SND1: variants seen among roughly 807,000 people sequenced by gnomAD.
SND1 encodes the protein staphylococcal nuclease domain-containing protein 1.
Under a neutral mutation model 121.7 loss-of-function variants are expected in SND1, and 38 were observed. The observed-to-expected ratio is 0.31, with a 90% confidence interval of 0.24 to 0.41. The LOEUF (loss-of-function observed/expected upper bound fraction) is 0.41, where lower values mean the gene tolerates loss of function less well. Ranked by LOEUF, SND1 falls within the 10% of genes least tolerant of loss-of-function variation. SND1 has a pLI of 1.00. For synonymous variants in SND1, 401 were observed against 447.4 expected, an observed-to-expected ratio of 0.90 and a Z score of 1.31; for missense variants, 868 against 1,184.6, an observed-to-expected ratio of 0.73 and a Z score of 3.92.
intron 15 of SND1, among the ~76,000 whole-genome samples, chr7:127,977,502 A>T (rs1485962564): frequency 1.3e-5 from 2 of 149,380 alleles, no homozygotes; most frequent in African/African-American, 2.5e-5. Flanking sequence ...GGAAGCAAAT[A>T]AAAAAAAAAG....
At chr7:127,998,186 T>C (rs557905616) in intron 16 of SND1, 10 of 327,714 alleles carry the variant, frequency 3.1e-5, no homozygotes, top group Non-Finnish European at 5.5e-5. Flanking sequence ...TTTGTTGTCC[T>C]TTATGGTTCT....
intron 12 of SND1, among the ~76,000 whole-genome samples, chr7:127,884,169 T>A (rs931588368): frequency 6.6e-6 from 1 of 151,950 alleles, no homozygotes; most frequent in Non-Finnish European, 1.5e-5. Flanking sequence ...TGTCTCCTAT[T>A]TTTTTTTGAG....
chr7:127,782,866 G>A (rs1584569168), intron 10 of SND1, among the ~76,000 whole-genome samples: 2 of 152,282 alleles, frequency 1.3e-5, no homozygotes, highest in South Asian at 2.1e-4. Flanking sequence ...ATGTGTATTC[G>A]TTATAGAAAT....
chr7:127,712,903 A>G (rs1476861800), intron 9 of SND1, among the ~76,000 whole-genome samples: 1 of 152,206 alleles, frequency 6.6e-6, no homozygotes, highest in Non-Finnish European at 1.5e-5. Context: ...GTTTATATTC[A>G]TGTAGTTGAG....
chr7:127,710,911 C>T (rs1445383418), intron 9 of SND1, among the ~76,000 whole-genome samples: 1 of 152,116 alleles, frequency 6.6e-6, no homozygotes, highest in Non-Finnish European at 1.5e-5. Context: ...TGATAATCAC[C>T]ACAGTGCTAT....
rs1792944085 is a variant in SND1 at position 128,046,275 on chromosome 7, T to G, written c.1780-28227T>G. 3.9e-5 allele frequency among the ~76,000 whole-genome samples: 6 copies of G among 152,232 alleles called. No homozygotes were observed. The South Asian group carries it at 1.2e-3, about 32-fold the overall frequency. On this transcript the variant is annotated intron_variant, in intron 16 of 23. Coordinates refer to ENST00000354725, the MANE Select transcript of SND1 (RefSeq NM_014390.4). Reference sequence around the variant, plus strand: ...ACTATGCCAGGCTAATTGTTTTTATTTTTTGTAGAGATGGGATCCTGCTAT... The same window carrying G: ...ACTATGCCAGGCTAATTGTTTTTATGTTTTGTAGAGATGGGATCCTGCTAT...
intron 16 of SND1, chr7:128,028,970 C>T (rs754708450): frequency 6.2e-7 from 1 of 1,608,926 alleles, no homozygotes; most frequent in South Asian, 1.1e-5. Context: ...TGACTGTACT[C>T]CGCTGCTGGT....
intron 16 of SND1, among the ~76,000 whole-genome samples, chr7:128,033,828 T>C (rs1584753279): frequency 6.6e-6 from 1 of 152,182 alleles, no homozygotes; most frequent in East Asian, 1.9e-4. Context: ...GTCAAGAAAC[T>C]TGGGTGTGGA....
chr7:127,661,301 A>T (rs536373884), intron 1 of SND1, among the ~76,000 whole-genome samples: 12 of 152,278 alleles, frequency 7.9e-5, no homozygotes, highest in Admixed American at 7.8e-4. Flanking sequence ...CCATATGCTC[A>T]TTTTAACACT....
chr7:127,759,990 G>A (rs1797273062), intron 10 of SND1, among the ~76,000 whole-genome samples: 1 of 152,084 alleles, frequency 6.6e-6, no homozygotes, highest in African/African-American at 2.4e-5. Context: ...CCCCAGGTGG[G>A]CAACCTGCTC....
rs188470224 is a variant in SND1 at position 127,971,557 on chromosome 7, G to A, written c.1670-19390G>A. On this transcript the variant is annotated intron_variant, in intron 15 of 23. Transcript: ENST00000354725. ...AGAGTACAAGGTAATCTTCTCTTCA[G>A]AAAATACATACAAAGATGTTCATAT... 6.2e-4 allele frequency among the ~76,000 whole-genome samples: 94 copies of A among 152,170 alleles called. 1 individual carries two copies. The highest frequency in any genetic ancestry group is 2.2e-3 in the African/African-American group (90 of 41,528).
chr7:127,961,381 T>G (rs1461677946), intron 15 of SND1, among the ~76,000 whole-genome samples: 4 of 152,226 alleles, frequency 2.6e-5, no homozygotes, highest in African/African-American at 9.6e-5. Flanking sequence ...TAGTAAGATC[T>G]AGATCCAGGC....
chr7:127,664,294 A>T (rs961914182), intron 1 of SND1, among the ~76,000 whole-genome samples: 23 of 152,162 alleles, frequency 1.5e-4, no homozygotes, highest in Non-Finnish European at 3.1e-4. Context: ...CCTCTGAACC[A>T]CACTTGAGTT....
At chr7:127,961,329 G>A (rs1801725952) in intron 15 of SND1, among the ~76,000 whole-genome samples, 2 of 152,098 alleles carry the variant, frequency 1.3e-5, no homozygotes, top group South Asian at 4.1e-4. Context: ...TACAAATGGT[G>A]TTTACTTACA....
intron 14 of SND1, among the ~76,000 whole-genome samples, chr7:127,925,981 G>C (rs1016935102): frequency 6.6e-6 from 1 of 151,612 alleles, no homozygotes; most frequent in African/African-American, 2.4e-5. Context: ...GTGTCTAAGA[G>C]ACTGAAGCAC....
intron 15 of SND1, among the ~76,000 whole-genome samples, chr7:127,946,728 G>T (rs1801338163): frequency 5.3e-5 from 8 of 152,174 alleles, no homozygotes; most frequent in Admixed American, 5.2e-4. Context: ...GCGAGTAAGT[G>T]TCCCAGGAGA....
intron 2 of SND1, among the ~76,000 whole-genome samples, chr7:127,690,044 C>G (rs1198202579): frequency 1.3e-5 from 2 of 151,348 alleles, no homozygotes; most frequent in Admixed American, 6.6e-5. Flanking sequence ...ATTCTTTGTT[C>G]ATCTCTGATA....
intron 15 of SND1, among the ~76,000 whole-genome samples, chr7:127,955,132 G>A (rs1584692816): frequency 1.3e-5 from 2 of 152,276 alleles, no homozygotes; most frequent in East Asian, 3.9e-4. Flanking sequence ...GCTTCTCTGT[G>A]TGGGTGACGT....
At chr7:127,804,765 G>T (rs1439455957) in intron 10 of SND1, among the ~76,000 whole-genome samples, 2 of 151,860 alleles carry the variant, frequency 1.3e-5, no homozygotes, top group Non-Finnish European at 2.9e-5. Context: ...ATGTAGGTAA[G>T]TTGCAGGATT....
Sources: allele counts gnomAD v4.1 joint callset (sites outside exome capture counted in the v4.1 genomes callset), GRCh38; gene constraint gnomAD v4.1.1; transcripts MANE v1.5; gene names NCBI Gene and HGNC (gene_info 2026-07-23, HGNC 2026-07-21).